The following CDH7 variants were observed in gnomAD, a reference collection of about 807,000 sequenced individuals.
CDH7 encodes the protein cadherin 7.
Under a neutral mutation model 71.8 loss-of-function variants are expected in CDH7, and 25 were observed. The ratio of observed to expected loss-of-function variants is 0.35; its 90% confidence interval spans 0.25 to 0.49. The LOEUF (loss-of-function observed/expected upper bound fraction) is 0.49, where lower values mean the gene tolerates loss of function less well. Among genes scored for constraint, CDH7 ranks in the 20% least tolerant of loss-of-function variants. The pLI is 0.99. For missense variants in CDH7, 862 were observed against 974.6 expected, an observed-to-expected ratio of 0.88 and a Z score of 1.54; for synonymous variants, 381 against 363.8, an observed-to-expected ratio of 1.05 and a Z score of -0.54.
rs1437087458 is a variant in CDH7, at chr18:65,809,832, G to A, written c.339G>A (p.Glu113=). 1 of 1,614,056 alleles carries A rather than the reference G, an allele frequency of 6.2e-7. No homozygotes were observed. The highest frequency in any genetic ancestry group is 1.7e-5 in the Admixed American group (1 of 60,004). ...DIHATKRLDR[E]EQAYYTLRAQ... is the part of the protein sequence containing the mutation. ...ATGCCACCAAGAGACTGGATCGTGA[G>A]GAGCAGGCCTACTACACGCTCCGAG... The change falls in exon 3 of 12, where the codon GAG becomes GAA. Residue 113 remains glutamate (E), a synonymous_variant. Transcript: ENST00000397968.
rs1911151430 is a variant in CDH7, at chr18:65,802,298, ATTTC to A, written c.211-7403_211-7400del. ...GTTTTGTAAAATGCAATAAAAATAA[ATTTC>A]TTAGATGAAAAAATCAGTTCCCATT... On this transcript the variant is annotated intron_variant, in intron 2 of 11. Transcript: ENST00000397968. 2.6e-5 allele frequency among the ~76,000 whole-genome samples: 4 copies of A among 152,288 alleles called. No homozygotes were observed. In the South Asian group the frequency reaches 8.3e-4, roughly 32 times the overall value.
chr18:65,880,650 T>C lies in CDH7; in HGVS notation c.2114T>C (p.Val705Ala). 6.2e-7 allele frequency: 1 copy of C among 1,614,008 alleles called. No individual in the cohort carries two copies. Among genetic ancestry groups the C allele is most frequent in the South Asian group, 1.1e-5 (1 of 91,074 alleles). Reference sequence around the variant, plus strand: ...GCTTTTAAAAGCATCCCAGATAATGTCATCTTTAGGGAATTTATTTGGGAA... The same window carrying C: ...GCTTTTAAAAGCATCCCAGATAATGCCATCTTTAGGGAATTTATTTGGGAA... ...RPAFKSIPDNVIFREFIWERL... is the reference protein window; with the variant it reads ...RPAFKSIPDNAIFREFIWERL... The change falls in exon 12 of 12, where the codon GTC becomes GCC. Residue 705 changes from valine to alanine, a missense_variant. Val to Ala is a moderately conservative substitution (Grantham distance 64, BLOSUM62 0). Transcript: ENST00000397968.
At chr18:65,819,824 C>T (rs1035091680) in intron 4 of CDH7, among the ~76,000 whole-genome samples, 1 of 151,324 alleles carries the variant, frequency 6.6e-6, no homozygotes, top group African/African-American at 2.4e-5. Context: ...GTTGAGCCCT[C>T]ACAGCGTGAA....
chr18:65,847,035 C>T (rs566453489), intron 7 of CDH7, among the ~76,000 whole-genome samples: 6 of 152,186 alleles, frequency 3.9e-5, no homozygotes, highest in East Asian at 3.9e-4. Flanking sequence ...TGTACTCACG[C>T]GTATTCCAAT....
intron 10 of CDH7, among the ~76,000 whole-genome samples, chr18:65,861,150 C>T (rs1221802458): frequency 1.3e-5 from 2 of 152,142 alleles, no homozygotes; most frequent in Non-Finnish European, 2.9e-5. Context: ...CACATTGCCA[C>T]ACAATTGAAA....
chr18:65,818,394 G>C (rs1241991890), intron 4 of CDH7, among the ~76,000 whole-genome samples: 1 of 152,166 alleles, frequency 6.6e-6, no homozygotes, highest in Non-Finnish European at 1.5e-5. Flanking sequence ...GTTTACAAAA[G>C]TGATCATTGT....
intron 2 of CDH7, among the ~76,000 whole-genome samples, chr18:65,797,766 C>A (rs1910969097): frequency 6.6e-6 from 1 of 152,124 alleles, no homozygotes; most frequent in South Asian, 2.1e-4. Flanking sequence ...TTCAAACGTT[C>A]TGCAGACATG....
rs767724012 is a variant in CDH7 at position 65,762,811 on chromosome 18, T to G, written c.-32T>G. On this transcript the variant is annotated 5_prime_UTR_variant, in exon 2 of 12. Transcript: ENST00000397968. ...GCCTTTTCTCTTGTCAAGGTTTTTT[T>G]CTTACACAGGAAAAAGAAAGAAAAA... 4.4e-6 allele frequency: 7 copies of G among 1,589,626 alleles called. No individual in the cohort carries two copies. In the East Asian group the frequency reaches 1.6e-4, roughly 36 times the overall value.
At chr18:65,759,549 G>A (rs879632213) in intron 1 of CDH7, among the ~76,000 whole-genome samples, 3 of 151,842 alleles carry the variant, frequency 2.0e-5, no homozygotes, top group Admixed American at 1.3e-4. Flanking sequence ...ACCACACCCG[G>A]CCCCCATTAT....
intron 1 of CDH7, among the ~76,000 whole-genome samples, chr18:65,752,239 GA>G (rs1915904583): frequency 6.6e-6 from 1 of 152,198 alleles, no homozygotes; most frequent in African/African-American, 2.4e-5. Context: ...AAAAATAAGA[GA>G]AAAATGTAAG....
chr18:65,869,502 T>C (rs572655333), intron 11 of CDH7, among the ~76,000 whole-genome samples: 2 of 152,048 alleles, frequency 1.3e-5, no homozygotes, highest in East Asian at 3.9e-4. Context: ...CTGCTTTGTC[T>C]TTCTGCCTGG....
chr18:65,809,717 T>C lies in CDH7; in HGVS notation c.224T>C (p.Val75Ala). The change falls in exon 3 of 12, where the codon GTT (valine) becomes GCT (alanine). Residue 75 changes from valine to alanine, a missense_variant. By Grantham distance (64) the Val-to-Ala change is moderately conservative. Transcript: ENST00000397968. ...PLYVGKLHSD[V>A]DKGDGSIKYI... ...ATTTTTCACCAGCTTCACTCTGATG[T>C]TGATAAAGGAGATGGTTCCATCAAA... 4 of 1,612,886 alleles carry C rather than the reference T, an allele frequency of 2.5e-6. No homozygotes were observed. Among genetic ancestry groups the C allele is most frequent in the Non-Finnish European group, 3.4e-6 (4 of 1,179,076 alleles).
At chr18:65,823,447 G>A (rs975687657) in intron 5 of CDH7, among the ~76,000 whole-genome samples, 1 of 151,762 alleles carries the variant, frequency 6.6e-6, no homozygotes, top group Non-Finnish European at 1.5e-5. Context: ...TAGGATACAG[G>A]TTTTCTAGGC....
intron 10 of CDH7, among the ~76,000 whole-genome samples, chr18:65,861,304 G>T (rs1408693169): frequency 6.8e-6 from 1 of 147,622 alleles, no homozygotes; most frequent in East Asian, 2.0e-4. Context: ...GGGCATTTCA[G>T]CTTGTGTTCC....
At chr18:65,873,451 CTG>C (rs1913984116) in intron 11 of CDH7, among the ~76,000 whole-genome samples, 2 of 152,252 alleles carry the variant, frequency 1.3e-5, no homozygotes, top group East Asian at 1.9e-4. Flanking sequence ...TAAAAAGAAA[CTG>C]TTGAAATAAA....
At chr18:65,825,569 G>T (rs1361928961) in intron 6 of CDH7, among the ~76,000 whole-genome samples, 1 of 151,722 alleles carries the variant, frequency 6.6e-6, no homozygotes, top group East Asian at 1.9e-4. Context: ...CATAGTCTTA[G>T]TTTATCAACT....
At chr18:65,836,775 A>T (rs550028723) in intron 6 of CDH7, among the ~76,000 whole-genome samples, 1 of 152,240 alleles carries the variant, frequency 6.6e-6, no homozygotes, top group East Asian at 1.9e-4. Flanking sequence ...ATTTGCTTAC[A>T]CTTATTTTAC....
intron 2 of CDH7, among the ~76,000 whole-genome samples, chr18:65,772,272 G>A (rs1408715852): frequency 6.6e-6 from 1 of 152,142 alleles, no homozygotes; most frequent in African/African-American, 2.4e-5. Flanking sequence ...AATGTGTATG[G>A]AGAAGAAAAG....
intron 2 of CDH7, among the ~76,000 whole-genome samples, chr18:65,802,615 C>T (rs550232858): frequency 1.1e-4 from 16 of 152,296 alleles, no homozygotes; most frequent in Admixed American, 5.9e-4. Flanking sequence ...ACTAAGAGAG[C>T]AAGGTACTCT....
Sources: allele counts gnomAD v4.1 joint callset (sites outside exome capture counted in the v4.1 genomes callset), GRCh38; gene constraint gnomAD v4.1.1; transcripts MANE v1.5; gene names NCBI Gene and HGNC (gene_info 2026-07-23, HGNC 2026-07-21).